Variants in SORBS2 observed in about 807,000 individuals in gnomAD.
SORBS2 encodes the protein sorbin and SH3 domain containing 2, also known as sorbin and SH3 domain-containing protein 2.
A neutral mutation model predicts 97.7 loss-of-function variants in SORBS2; 46 were observed. The observed-to-expected ratio is 0.47, with a 90% CI of 0.37 to 0.60. SORBS2 has a LOEUF of 0.60. SORBS2 is among the 20% of genes least tolerant of loss of function. The pLI is 0.00. For synonymous variants in SORBS2, 476 were observed against 473.4 expected (o/e 1.01, Z -0.07); for missense variants, 1,316 against 1,282.3 (o/e 1.03, Z -0.40).
chr4:185,659,741 A>G (rs567907833), upstream of SORBS2, among the ~76,000 whole-genome samples: 1 of 152,254 alleles, frequency 6.6e-6, no homozygotes, highest in African/African-American at 2.4e-5. Context: ...TTATTAAGAC[A>G]CGGTGAGATA....
intron 1 of SORBS2, among the ~76,000 whole-genome samples, chr4:185,891,871 G>C (rs191022655): frequency 7.2e-5 from 11 of 152,198 alleles, no homozygotes; most frequent in African/African-American, 2.6e-4. Flanking sequence ...GTCTTGCTCT[G>C]TCTCCAGGTT....
chr4:185,621,976 T>C (rs938728034), intron 7 of SORBS2, among the ~76,000 whole-genome samples: 1 of 152,360 alleles, frequency 6.6e-6, no homozygotes, highest in South Asian at 2.1e-4. Context: ...GCATAGAAGT[T>C]TCTCTGTTGA....
intron 1 of SORBS2, among the ~76,000 whole-genome samples, chr4:185,862,581 G>T (rs1370216849): frequency 6.6e-6 from 1 of 152,182 alleles, no homozygotes. Flanking sequence ...ACTTAACTAA[G>T]CCCTTGACTT....
intron 4 of SORBS2, among the ~76,000 whole-genome samples, chr4:185,676,296 C>A (rs1319371494): frequency 6.6e-6 from 1 of 152,152 alleles, no homozygotes; most frequent in African/African-American, 2.4e-5. Flanking sequence ...TACAGCTTAT[C>A]CTTAAAGTTT....
intron 2 of SORBS2, among the ~76,000 whole-genome samples, chr4:185,651,355 C>A (rs2097311434): frequency 6.6e-6 from 1 of 152,228 alleles, no homozygotes; most frequent in Non-Finnish European, 1.5e-5. Flanking sequence ...TGAATGGTTG[C>A]ATTTTGGAGC....
chr4:185,833,082 C>T (rs1400559797), intron 1 of SORBS2, among the ~76,000 whole-genome samples: 2 of 152,168 alleles, frequency 1.3e-5, no homozygotes, highest in African/African-American at 4.8e-5. Context: ...TTTGTTATCA[C>T]ATTTTCTTCA....
chr4:185,892,958 G>A (rs1365823645), intron 1 of SORBS2, among the ~76,000 whole-genome samples: 2 of 152,096 alleles, frequency 1.3e-5, no homozygotes, highest in Admixed American at 6.6e-5. Flanking sequence ...GAGAAACCTT[G>A]AGCAAGTGAA....
chr4:185,595,421 A>G (rs534425741), intron 12 of SORBS2, among the ~76,000 whole-genome samples: 8 of 152,256 alleles, frequency 5.3e-5, no homozygotes, highest in Non-Finnish European at 7.4e-5. Context: ...CAGTTTTCCA[A>G]CCATCTTAAA....
rs2097923004 is a variant in SORBS2, at chr4:185,684,767, G to A, written c.-197-5945C>T. Reference sequence around the variant, plus strand: ...GTGATATTATACCTGCAGCCAATAGGTTTGGAGAACTTTGCACTCTCTTCA... The same window carrying A: ...GTGATATTATACCTGCAGCCAATAGATTTGGAGAACTTTGCACTCTCTTCA... On this transcript the variant is annotated intron_variant, in intron 2 of 20. Transcript: ENST00000284776. This position sits in a 1 kb window ranked among gnomAD's most constrained non-coding sequence, Gnocchi z 4.2. 1.3e-6 allele frequency: 2 copies of A among 1,551,362 alleles called. No homozygotes were observed. The highest frequency in any genetic ancestry group is 2.4e-5 in the East Asian group (1 of 40,906).
rs534916920 is a variant in SORBS2 at position 185,868,310 on chromosome 4, C to G, written c.-338+87886G>C. ...TAGCTGGGATTACAGGCGTGTGCCA[C>G]CATGCCCAGCTAATTTTTTGTATTT... On this transcript the variant is annotated intron_variant, in intron 1 of 20. Coordinates refer to the SORBS2 transcript ENST00000284776. Among the ~76,000 whole-genome samples the G allele has an allele frequency of 6.6e-5, 10 of 151,788 alleles. 1 individual carries two copies. In the East Asian group the frequency reaches 2.0e-3, roughly 30 times the overall value.
chr4:185,731,876 A>C (rs1361390364), intron 2 of SORBS2, among the ~76,000 whole-genome samples: 1,107 of 30,308 alleles, frequency 0.037, 2 homozygotes, highest in Non-Finnish European at 0.048. Context: ...CTATATATAT[A>C]TATATATATA....
chr4:185,954,957 AC>A (rs1234363172), intron 1 of SORBS2, among the ~76,000 whole-genome samples: 1 of 152,192 alleles, frequency 6.6e-6, no homozygotes, highest in African/African-American at 2.4e-5. Context: ...CATCTCAAAA[AC>A]AAACAAAGAA....
intron 2 of SORBS2, among the ~76,000 whole-genome samples, chr4:185,686,568 T>A (rs759877347): frequency 6.6e-6 from 1 of 152,174 alleles, no homozygotes; most frequent in Non-Finnish European, 1.5e-5. Flanking sequence ...AAACTGAAAG[T>A]GCTTAGAGAC....
intron 4 of SORBS2, among the ~76,000 whole-genome samples, chr4:185,676,744 T>G (rs1449833544): frequency 1.7e-4 from 2 of 11,564 alleles, no homozygotes; most frequent in African/African-American, 6.6e-4. Flanking sequence ...CATAAACATC[T>G]AGAAGAAAAA....
intron 2 of SORBS2, chr4:185,771,792 A>G (rs1373285508): frequency 2.6e-5 from 4 of 152,200 alleles, no homozygotes; most frequent in African/African-American, 9.6e-5. Flanking sequence ...AAAATTCTTC[A>G]CATGAGTTTA....
chr4:185,675,940 A>ATTAG (rs1296036722), intron 4 of SORBS2, among the ~76,000 whole-genome samples: 21 of 152,244 alleles, frequency 1.4e-4, no homozygotes, highest in African/African-American at 4.3e-4. Flanking sequence ...CTTGGTGTCA[A>ATTAG]TTAGTTATCT....
At chr4:185,912,585 C>CAAAAA (rs60906233) in intron 1 of SORBS2, among the ~76,000 whole-genome samples, 1 of 64,372 alleles carries the variant, frequency 1.6e-5, no homozygotes, top group African/African-American at 6.4e-5. Flanking sequence ...AACTCCATCT[C>CAAAAA]AAAAAAAAAA....
At chr4:185,912,585 CAAAAAAAAA>C (rs60906233) in intron 1 of SORBS2, among the ~76,000 whole-genome samples, 5 of 64,378 alleles carry the variant, frequency 7.8e-5, no homozygotes, top group African/African-American at 1.3e-4. Context: ...AACTCCATCT[CAAAAAAAAA>C]AAAAAAAAAA....
At chr4:185,908,744 G>A (rs1459462214) in intron 1 of SORBS2, among the ~76,000 whole-genome samples, 1 of 151,980 alleles carries the variant, frequency 6.6e-6, no homozygotes, top group Non-Finnish European at 1.5e-5. Flanking sequence ...TCTCAGGAGA[G>A]TAAGATATAG....
Sources: gnomAD v4.1 joint callset for allele counts (sites outside exome capture counted in the v4.1 genomes callset) on GRCh38, gnomAD v4.1.1 for gene constraint, Gnocchi (gnomAD v3.1) non-coding constraint, MANE v1.5 for transcripts, NCBI Gene and HGNC (gene_info 2026-07-23, HGNC 2026-07-21) for gene names.